Variants in ARHGAP10 observed in about 807,000 individuals in gnomAD.
ARHGAP10 encodes rho GTPase-activating protein 10.
Under a neutral mutation model 108.6 loss-of-function variants are expected in ARHGAP10, and 87 were observed. The ratio of observed to expected loss-of-function variants is 0.80; its 90% CI spans 0.67 to 0.96. The LOEUF is 0.96. ARHGAP10 is among the 40% of genes least tolerant of loss of function. The probability of loss-of-function intolerance (pLI) is 0.00; values close to 1 mark genes in which losing one functional copy is unlikely to be tolerated. For synonymous variants in ARHGAP10, 347 were observed against 341.1 expected (o/e 1.02, Z -0.19); for missense variants, 939 against 954.5 (o/e 0.98, Z 0.21).
At chr4:147,963,858 C>T (rs1438422893) in intron 16 of ARHGAP10, among the ~76,000 whole-genome samples, 1 of 152,210 alleles carries the variant, frequency 6.6e-6, no homozygotes, top group Non-Finnish European at 1.5e-5. Context: ...TGTGACAGGA[C>T]AACCTCCGCT....
At position 148,054,380 on chromosome 4, in the gene ARHGAP10, C is replaced by T. The variant is rs576081398; in HGVS notation, c.2027+7329C>T. ...AATAATAACATCTGCCCCTCTGGGC[C>T]GGGGTGAGGTTTCCAGATACCACAT... On this transcript the variant is annotated intron_variant, in intron 20 of 22. Transcript: ENST00000336498. Among the ~76,000 whole-genome samples, 9 of 152,284 alleles carry T rather than the reference C, an allele frequency of 5.9e-5. No individual in the cohort carries two copies. The South Asian group carries it at 8.3e-4, about 14-fold the overall frequency.
intron 21 of ARHGAP10, 137 bp from the exon 22 acceptor site, chr4:148,064,279 C>T: frequency 3.1e-6 from 2 of 638,010 alleles, no homozygotes; most frequent in South Asian, 3.9e-5. Flanking sequence ...ATGTTCACTT[C>T]CACGTTAATT....
At chr4:147,900,143 C>T (rs1167989752) in intron 10 of ARHGAP10, among the ~76,000 whole-genome samples, 1 of 152,106 alleles carries the variant, frequency 6.6e-6, no homozygotes. Flanking sequence ...ATAGAACATG[C>T]AGTTGAAAGA....
chr4:148,049,800 TTTTG>T (rs903133481), intron 20 of ARHGAP10, among the ~76,000 whole-genome samples: 1,666 of 146,364 alleles, frequency 0.011, 19 homozygotes, highest in African/African-American at 0.022. Flanking sequence ...AAATTGTTTT[TTTTG>T]TTTGTTTGTT....
intron 3 of ARHGAP10, among the ~76,000 whole-genome samples, chr4:147,844,111 G>A (rs549887534): frequency 6.6e-6 from 1 of 152,158 alleles, no homozygotes; most frequent in East Asian, 1.9e-4. Context: ...AGCCCTTAGT[G>A]TGTGCTCCCA....
chr4:147,749,835 G>T (rs1040041809), intron 1 of ARHGAP10, among the ~76,000 whole-genome samples: 1 of 152,186 alleles, frequency 6.6e-6, no homozygotes, highest in African/African-American at 2.4e-5. Context: ...AAATCTTTTA[G>T]AATCGACTGT....
chr4:148,053,390 T>A (rs1463578108), intron 20 of ARHGAP10, among the ~76,000 whole-genome samples: 1 of 152,180 alleles, frequency 6.6e-6, no homozygotes, highest in Non-Finnish European at 1.5e-5. Context: ...CATTAAGTCA[T>A]GTGGCTGTGG....
Position 147,847,132 on chromosome 4 carries a change from T to C in ARHGAP10, c.313-19T>C, listed in dbSNP as rs777941828. ...GAAACCTAATGCTGTGCTCTTTTGT[T>C]ATCACTCTTGTTCTCTAGGCATTAA... On this transcript the variant is annotated intron_variant, in intron 3 of 22. Coordinates refer to ENST00000336498, the MANE Select transcript of ARHGAP10 (RefSeq NM_024605.4). The C allele has an allele frequency of 1.2e-6, 2 of 1,602,500 alleles. No individual in the cohort carries two copies. The highest frequency in any genetic ancestry group is 1.7e-6 in the Non-Finnish European group (2 of 1,171,174).
At chr4:147,904,389 C>G (rs1442118075) in intron 10 of ARHGAP10, among the ~76,000 whole-genome samples, 3 of 151,858 alleles carry the variant, frequency 2.0e-5, no homozygotes, top group South Asian at 4.2e-4. Flanking sequence ...CCCGTCCCCC[C>G]ACCCCACAAC....
chr4:147,918,036 C>A lies in ARHGAP10; in HGVS notation c.1228+4897C>A, dbSNP rs72959724. Among the ~76,000 whole-genome samples, 1,056 of 151,860 alleles carry A rather than the reference C, an allele frequency of 7.0e-3. 10 individuals are homozygous for A. The highest frequency in any genetic ancestry group is 0.024 in the African/African-American group (1,001 of 41,384). ...CCAAGATATTTTTATAATCTTACTG[C>A]TTCTACAACATATGTATATATAAAA... On this transcript the variant is annotated intron_variant, in intron 13 of 22. Transcript: ENST00000336498.
chr4:147,795,310 T>C (rs1233498888), intron 1 of ARHGAP10, among the ~76,000 whole-genome samples: 1 of 152,222 alleles, frequency 6.6e-6, no homozygotes, highest in Non-Finnish European at 1.5e-5. Flanking sequence ...GTACTACTAG[T>C]GTGTTTACTT....
At chr4:147,876,509 C>A (rs1053693906) in intron 8 of ARHGAP10, among the ~76,000 whole-genome samples, 3 of 151,946 alleles carry the variant, frequency 2.0e-5, no homozygotes, top group Non-Finnish European at 4.4e-5. Flanking sequence ...AGGAGAATGG[C>A]GTGAACCTGG....
At chr4:147,772,602 G>A (rs1378532936) in intron 1 of ARHGAP10, among the ~76,000 whole-genome samples, 1 of 152,202 alleles carries the variant, frequency 6.6e-6, no homozygotes, top group Non-Finnish European at 1.5e-5. Context: ...CAAGGCATTA[G>A]CAATCATCTG....
chr4:147,985,496 C>G lies in ARHGAP10; in HGVS notation c.1716+18657C>G, dbSNP rs1054894862. Among the ~76,000 whole-genome samples, 4 of 152,180 alleles carry G rather than the reference C, an allele frequency of 2.6e-5. No homozygotes were observed. In the East Asian group the frequency reaches 7.7e-4, roughly 29 times the overall value. On this transcript the variant is annotated intron_variant, in intron 18 of 22. Transcript: ENST00000336498. Reference sequence around the variant, plus strand: ...CAGATAAACCATGGCTACAGCGACTCTCCTCTTACTTTTGGACCTGTGATG... The same window carrying G: ...CAGATAAACCATGGCTACAGCGACTGTCCTCTTACTTTTGGACCTGTGATG...
At chr4:147,987,079 T>C (rs1272691605) in intron 18 of ARHGAP10, among the ~76,000 whole-genome samples, 2 of 152,252 alleles carry the variant, frequency 1.3e-5, no homozygotes, top group Non-Finnish European at 2.9e-5. Context: ...GTCTCAAATA[T>C]ATTTTCAGAA....
chr4:147,877,749 G>A (rs1735131712), intron 8 of ARHGAP10, among the ~76,000 whole-genome samples: 1 of 150,642 alleles, frequency 6.6e-6, no homozygotes, highest in African/African-American at 2.5e-5. Flanking sequence ...TGGAAAAGGG[G>A]TTCAGAGAGT....
chr4:147,806,356 A>G (rs1206597473), intron 1 of ARHGAP10, among the ~76,000 whole-genome samples: 1 of 152,036 alleles, frequency 6.6e-6, no homozygotes, highest in Non-Finnish European at 1.5e-5. Flanking sequence ...ATACCAGATT[A>G]TAGTAATGCC....
chr4:147,893,441 ATAT>A (rs533140102), intron 10 of ARHGAP10, among the ~76,000 whole-genome samples: 75 of 147,612 alleles, frequency 5.1e-4, no homozygotes, highest in Middle Eastern at 3.6e-3. Context: ...TTCAATATAT[ATAT>A]TATTATTCTC....
intron 13 of ARHGAP10, among the ~76,000 whole-genome samples, chr4:147,933,778 T>C (rs1737801733): frequency 6.6e-6 from 1 of 152,154 alleles, no homozygotes; most frequent in Non-Finnish European, 1.5e-5. Context: ...TTTCTGACTA[T>C]AGCAGAATGG....
Sources: gnomAD v4.1 joint callset for allele counts (sites outside exome capture counted in the v4.1 genomes callset) on GRCh38, gnomAD v4.1.1 for gene constraint, MANE v1.5 for transcripts, NCBI Gene and HGNC (gene_info 2026-07-23, HGNC 2026-07-21) for gene names.